Variants in FAM168A observed in about 807,000 individuals in gnomAD.
FAM168A encodes family with sequence similarity 168 member A.
FAM168A carries 3 observed loss-of-function variants against 28.5 expected under a neutral mutation model. The observed-to-expected ratio is 0.11, with a 90% CI of 0.05 to 0.27. The LOEUF (loss-of-function observed/expected upper bound fraction) is 0.27. Among genes scored for constraint, FAM168A ranks in the 10% least tolerant of loss-of-function variants. The probability of loss-of-function intolerance (pLI) is 1.00; values close to 1 mark genes in which losing one functional copy is unlikely to be tolerated. For missense variants in FAM168A, 222 were observed against 311.5 expected (o/e 0.71, Z 2.16); for synonymous variants, 122 against 124.2 (o/e 0.98, Z 0.12).
At chr11:73,566,006 T>TA (rs1944017143) in intron 1 of FAM168A, among the ~76,000 whole-genome samples, 1 of 152,178 alleles carries the variant, frequency 6.6e-6, no homozygotes, top group Non-Finnish European at 1.5e-5. Context: ...CAAAGACACT[T>TA]AAGTTTGCAT....
chr11:73,553,470 G>A (rs1943852031), intron 1 of FAM168A, among the ~76,000 whole-genome samples: 1 of 152,154 alleles, frequency 6.6e-6, no homozygotes, highest in Admixed American at 6.5e-5. Context: ...TGACTAATAA[G>A]AGGATAAAGC....
At position 73,529,286 on chromosome 11, in the gene FAM168A, C is replaced by G. The variant is rs529583075; in HGVS notation, c.-18-60794G>C. Among the ~76,000 whole-genome samples the G allele has an allele frequency of 2.0e-5, 3 of 152,290 alleles. No individual in the cohort carries two copies. The South Asian group carries it at 6.2e-4, about 32-fold the overall frequency. On this transcript the variant is annotated intron_variant, in intron 1 of 7. Transcript: ENST00000356467. ...TTGCCTGTTCAAATTTTAGAACAGC[C>G]AAACCTGGGCTCATGTCCTAGCTTT...
intron 1 of FAM168A, chr11:73,510,836 T>C: frequency 2.8e-6 from 1 of 353,580 alleles, no homozygotes; most frequent in Non-Finnish European, 5.1e-6. Flanking sequence ...TAATGCCTAA[T>C]GTAATCAGAA....
At chr11:73,484,743 T>A (rs933834161) in intron 1 of FAM168A, among the ~76,000 whole-genome samples, 13 of 148,504 alleles carry the variant, frequency 8.8e-5, no homozygotes, top group African/African-American at 2.9e-4. Context: ...GATATATAGA[T>A]ATATAGATAT....
At chr11:73,513,208 T>G (rs1855261782) in intron 1 of FAM168A, among the ~76,000 whole-genome samples, 1 of 139,844 alleles carries the variant, frequency 7.2e-6, no homozygotes, top group African/African-American at 2.7e-5. Context: ...TTTTTTAATT[T>G]TTTTTTTTTT....
intron 1 of FAM168A, among the ~76,000 whole-genome samples, chr11:73,588,760 C>T (rs1223432395): frequency 6.6e-6 from 1 of 152,128 alleles, no homozygotes; most frequent in Non-Finnish European, 1.5e-5. Context: ...AATTGAAGCC[C>T]TATTCCTCAA....
intron 2 of FAM168A, among the ~76,000 whole-genome samples, chr11:73,459,017 G>A (rs1867591299): frequency 6.6e-6 from 1 of 152,088 alleles, no homozygotes; most frequent in Non-Finnish European, 1.5e-5. Flanking sequence ...TATTATATGC[G>A]GTTTTGTGAG....
At chr11:73,559,792 T>C (rs1943936263) in intron 1 of FAM168A, among the ~76,000 whole-genome samples, 1 of 152,186 alleles carries the variant, frequency 6.6e-6, no homozygotes, top group African/African-American at 2.4e-5. Flanking sequence ...CAATGATATA[T>C]AAATTTCACC....
At chr11:73,479,248 T>C (rs1867934046) in intron 1 of FAM168A, among the ~76,000 whole-genome samples, 1 of 152,178 alleles carries the variant, frequency 6.6e-6, no homozygotes, top group Non-Finnish European at 1.5e-5. Flanking sequence ...TCATTTCAGC[T>C]CTGCTATACA....
At chr11:73,570,101 T>C (rs1944068603) in intron 1 of FAM168A, among the ~76,000 whole-genome samples, 1 of 152,220 alleles carries the variant, frequency 6.6e-6, no homozygotes, top group Non-Finnish European at 1.5e-5. Context: ...CTTTCATGTA[T>C]ACCTACATAT....
chr11:73,436,511 A>T (rs567484), intron 2 of FAM168A, among the ~76,000 whole-genome samples: 3 of 13,030 alleles, frequency 2.3e-4, no homozygotes, highest in African/African-American at 2.6e-4. Flanking sequence ...GATCAAAACC[A>T]AAACAATGAC....
At chr11:73,580,458 C>G (rs1290888339) in intron 1 of FAM168A, 3 of 620,586 alleles carry the variant, frequency 4.8e-6, no homozygotes, top group Non-Finnish European at 6.1e-6. Flanking sequence ...GATAACCCTA[C>G]AGAAAATGGA....
chr11:73,572,105 C>T (rs939757250), intron 1 of FAM168A, among the ~76,000 whole-genome samples: 2 of 152,074 alleles, frequency 1.3e-5, no homozygotes, highest in Non-Finnish European at 2.9e-5. Flanking sequence ...GCAGCCACCC[C>T]GTCTGGGAAG....
intron 1 of FAM168A, among the ~76,000 whole-genome samples, chr11:73,551,638 T>G (rs1176636285): frequency 6.6e-6 from 1 of 152,260 alleles, no homozygotes; most frequent in East Asian, 1.9e-4. Flanking sequence ...ATCACATCTG[T>G]GCAGTGTGCA....
chr11:73,473,575 C>A (rs1867844706), intron 1 of FAM168A, among the ~76,000 whole-genome samples: 1 of 152,188 alleles, frequency 6.6e-6, no homozygotes, highest in Non-Finnish European at 1.5e-5. Flanking sequence ...TTCTTCACTT[C>A]AATCACAATG....
intron 1 of FAM168A, among the ~76,000 whole-genome samples, chr11:73,503,518 A>G (rs1003427990): frequency 2.3e-4 from 35 of 152,362 alleles, no homozygotes; most frequent in African/African-American, 8.2e-4. Context: ...AAACAAATGG[A>G]AAAACATTCC....
intron 2 of FAM168A, among the ~76,000 whole-genome samples, chr11:73,441,508 G>C (rs532119470): frequency 3.8e-4 from 58 of 152,136 alleles, no homozygotes; most frequent in Non-Finnish European, 6.2e-4. Flanking sequence ...GCCTGGTTTT[G>C]GTATCAAGGT....
chr11:73,461,377 T>C (rs1430691831), intron 2 of FAM168A, among the ~76,000 whole-genome samples: 1 of 152,010 alleles, frequency 6.6e-6, no homozygotes, highest in African/African-American at 2.4e-5. Context: ...ATCAGCCTCT[T>C]AAAGTGCTGG....
At chr11:73,545,132 T>C (rs898686168) in intron 1 of FAM168A, among the ~76,000 whole-genome samples, 54 of 144,702 alleles carry the variant, frequency 3.7e-4, no homozygotes, top group African/African-American at 1.3e-3. Context: ...TTCAAGCAAT[T>C]CTCTTGCCTC....
Sources: allele counts gnomAD v4.1 joint callset (sites outside exome capture counted in the v4.1 genomes callset), GRCh38; gene constraint gnomAD v4.1.1; transcripts MANE v1.5; gene names NCBI Gene and HGNC (gene_info 2026-07-23, HGNC 2026-07-21).